PLPP2: variants seen among roughly 807,000 people sequenced by gnomAD.
PLPP2 encodes the protein phospholipid phosphatase 2.
PLPP2 carries 29 observed loss-of-function variants against 35.2 expected under a neutral mutation model. That is an observed-to-expected ratio of 0.82 (90% CI 0.61 to 1.12). The LOEUF (loss-of-function observed/expected upper bound fraction) is 1.12, where lower values mean the gene tolerates loss of function less well. Among genes scored for constraint, PLPP2 ranks in the 50% most tolerant of loss-of-function variants. PLPP2 has a pLI of 0.00. For synonymous variants in PLPP2, 162 were observed against 167.0 expected (o/e 0.97, Z 0.23); for missense variants, 353 against 375.2 (o/e 0.94, Z 0.49).
At chr19:289,490 C>G (rs1010835806) in intron 1 of PLPP2, among the ~76,000 whole-genome samples, 1 of 121,588 alleles carries the variant, frequency 8.2e-6, no homozygotes, top group African/African-American at 3.1e-5. Flanking sequence ...CCGAGGCGGG[C>G]AGATCACGAG....
At position 287,940 on chromosome 19, in the gene PLPP2, A is replaced by G; in HGVS notation, c.204+80T>C. On this transcript the variant is annotated intron_variant, in intron 2 of 5. Coordinates refer to ENST00000434325, the MANE Select transcript of PLPP2 (RefSeq NM_003712.4). This position sits in a 1 kb window ranked among gnomAD's most constrained non-coding sequence, Gnocchi z 4.3. The stretch of plus-strand genomic sequence containing the variant: ...CAGACCTCCAGGGCAGGGCTGTGCC[A>G]CCCCCCCATCAGGCCCCCAGGGTAA... 6.5e-7 allele frequency: 1 copy of G among 1,529,904 alleles called. No individual in the cohort carries two copies. Among genetic ancestry groups the G allele is most frequent in the Non-Finnish European group, 8.9e-7 (1 of 1,128,918 alleles). 94.8% of individuals were successfully genotyped at this position (1,529,904 alleles called of 1,614,324 possible). A position where few individuals can be genotyped will look rare whatever the true frequency, so the allele number is the denominator to read the frequency against.
rs1970385718 is a variant in PLPP2 at position 291,310 on chromosome 19, C to G, written c.27G>C (p.Leu9=). 1 of 1,600,892 alleles carries G rather than the reference C, an allele frequency of 6.2e-7. No homozygotes were observed. Among genetic ancestry groups the G allele is most frequent in the Admixed American group, 1.7e-5 (1 of 59,038 alleles). ...CGACCAGTAAGCACAGCACGTCGAG[C>G]AGCACGAAGACCCACCTCCGCTGCA... MQRRWVFV[L]LDVLCLLVAS... Residue 9 remains leucine, a synonymous_variant, in exon 1 of 6, where the codon CTG becomes CTC. Transcript: ENST00000434325.
Position 282,053 on chromosome 19 carries a change from G to T in PLPP2, c.717+81C>A, listed in dbSNP as rs184659870. The T allele has an allele frequency of 2.8e-4, 426 of 1,510,208 alleles. 1 individual carries two copies. In the African/African-American group the frequency reaches 5.0e-3, roughly 18 times the overall value. 93.6% of individuals were successfully genotyped at this position (1,510,208 alleles called of 1,614,324 possible). On this transcript the variant is annotated intron_variant, in intron 5 of 5. Coordinates refer to ENST00000434325, the MANE Select transcript of PLPP2 (RefSeq NM_003712.4). Reference sequence around the variant, plus strand: ...CCCAAGGAAGGACTCAGTGGGGCAAGGGTACCCAGGGCAGCACTAGGGTTG... The same window carrying T: ...CCCAAGGAAGGACTCAGTGGGGCAATGGTACCCAGGGCAGCACTAGGGTTG...
intron 1 of PLPP2, chr19:288,383 C>T (rs1970314599): frequency 4.6e-6 from 2 of 439,558 alleles, no homozygotes; most frequent in Non-Finnish European, 8.0e-6. Flanking sequence ...ATCCTGGCAG[C>T]CTCCTTTCTG....
chr19:282,714 G>T, intron 4 of PLPP2, 38 bp downstream of exon 4: 1 of 1,584,768 alleles, frequency 6.3e-7, no homozygotes, highest in Non-Finnish European at 8.7e-7. Context: ...TTTAGCCATG[G>T]TTCCCCCGAA....
In PLPP2 at chr19:282,222, A is replaced by C. The variant is rs779062983; in HGVS notation, c.629T>G (p.Val210Gly). Residue 210 changes from valine to glycine, a missense_variant, in exon 5 of 6, where the codon GTG becomes GGG. Val to Gly is a moderately radical substitution (Grantham distance 109). Coordinates refer to ENST00000434325, the MANE Select transcript of PLPP2 (RefSeq NM_003712.4). ...GTAATCAGACACGCGGGTGTAGCCC[A>C]CGTAGAGGGCAAAGGCCACCAGGAA... ...QFFLVAFALYVGYTRVSDYKH... is the reference protein window; with the variant it reads ...QFFLVAFALYGGYTRVSDYKH... 1.2e-6 allele frequency: 2 copies of C among 1,613,844 alleles called. No homozygotes were observed. Among genetic ancestry groups the C allele is most frequent in the Non-Finnish European group, 1.7e-6 (2 of 1,179,868 alleles).
intron 1 of PLPP2, chr19:291,005 A>C: frequency 1.6e-6 from 2 of 1,277,378 alleles, no homozygotes; most frequent in Non-Finnish European, 2.0e-6. Flanking sequence ...CTCCGCACAG[A>C]CTTCCTGCTG....
intron 5 of PLPP2, chr19:281,910 C>T: frequency 3.8e-6 from 2 of 524,762 alleles, no homozygotes; most frequent in South Asian, 2.3e-5. Context: ...GAAGAGGGTC[C>T]AGGTAAGGAC....
At chr19:282,017 C>G (rs1970183306) in intron 5 of PLPP2, 117 bp downstream of exon 5, 2 of 1,185,346 alleles carry the variant, frequency 1.7e-6, no homozygotes, top group African/African-American at 3.0e-5. Context: ...GGAGGACTGA[C>G]AGGGAGGAGG....
chr19:281,335 G>A lies in PLPP2; in HGVS notation c.*53C>T. On this transcript the variant is annotated 3_prime_UTR_variant, in exon 6 of 6. Coordinates refer to ENST00000434325, the MANE Select transcript of PLPP2 (RefSeq NM_003712.4). ...CTAACCAGGGCTGGAGGGACCACCTGGGTGGGCCTCAGCTGGACTCACAGC... is the reference window on the plus strand; with the variant it reads ...CTAACCAGGGCTGGAGGGACCACCTAGGTGGGCCTCAGCTGGACTCACAGC... 1 of 1,345,978 alleles carries A rather than the reference G, an allele frequency of 7.4e-7. No homozygotes were observed. Among genetic ancestry groups the A allele is most frequent in the African/African-American group, 1.5e-5 (1 of 66,910 alleles). The allele number at this position is 1,345,978 out of a possible 1,614,324, so 83.4% of individuals were successfully genotyped here.
intron 3 of PLPP2, chr19:283,788 A>G (rs939403891): frequency 4.6e-5 from 7 of 152,328 alleles, no homozygotes; most frequent in Non-Finnish European, 8.8e-5. Context: ...GGCTGACCCC[A>G]CATGCACACA....
intron 4 of PLPP2, among the ~76,000 whole-genome samples, 197 bp downstream of exon 4, chr19:282,555 C>T (rs1970201315): frequency 1.3e-5 from 2 of 151,960 alleles, no homozygotes; most frequent in Non-Finnish European, 2.9e-5. Flanking sequence ...GCTCCCCCTC[C>T]CCCTGCACAG....
At chr19:283,152 G>A (rs985457567) in intron 3 of PLPP2, 1 of 231,992 alleles carries the variant, frequency 4.3e-6, no homozygotes. Flanking sequence ...ACTGAGGGAA[G>A]ACTTATTTTT....
At chr19:288,635 C>T (rs1970320566) in intron 1 of PLPP2, 1 of 154,032 alleles carries the variant, frequency 6.5e-6, no homozygotes, top group South Asian at 2.0e-4. Context: ...CCCAAAGTAG[C>T]TCTGAGTAAC....
chr19:287,830 G>C lies in PLPP2; in HGVS notation c.205-79C>G. The C allele has an allele frequency of 6.4e-7, 1 of 1,559,710 alleles. No homozygotes were observed. ...CACTCCTCCGCACGGGCCTCCCCAA[G>C]GCTGCTGGAGAGCTGGGGACTCTGA... On this transcript the variant is annotated intron_variant, in intron 2 of 5. Coordinates refer to ENST00000434325, the MANE Select transcript of PLPP2 (RefSeq NM_003712.4). This position sits in a 1 kb window ranked among gnomAD's most constrained non-coding sequence, Gnocchi z 4.3.
Position 282,823 on chromosome 19 carries a change from A to G in PLPP2, c.483-14T>C. On this transcript the variant is annotated splice_polypyrimidine_tract_variant and intron_variant, in intron 3 of 5. Transcript: ENST00000434325. The stretch of plus-strand genomic sequence containing the variant: ...TAGAAAGACAACCTGAGGAAGGAGA[A>G]GGGGCAGGTGGCTCACTCAGCGCCT... 1 of 1,613,146 alleles carries G rather than the reference A, an allele frequency of 6.2e-7. No individual in the cohort carries two copies. Among genetic ancestry groups the G allele is most frequent in the Non-Finnish European group, 8.5e-7 (1 of 1,179,378 alleles).
chr19:287,482 G>A lies in PLPP2; in HGVS notation c.474C>T (p.Thr158=), dbSNP rs78166417. The change falls in exon 3 of 6, where the codon ACC becomes ACT. Residue 158 remains threonine (T), a synonymous_variant. Coordinates refer to ENST00000434325, the MANE Select transcript of PLPP2 (RefSeq NM_003712.4). This position sits in a 1 kb window ranked among gnomAD's most constrained non-coding sequence, Gnocchi z 4.3. ...TGCTGGTCCACACCCACCTGGCCTC[G>A]GTGACATCAGCAGGGTTTCCCCTGC... ...KVCRGNPADV[T]EARLSFYSGH... 5,065 of 1,607,662 alleles carry A rather than the reference G, an allele frequency of 3.2e-3. 132 individuals are homozygous for A. In the African/African-American group the frequency reaches 0.053, roughly 17 times the overall value.
chr19:285,527 A>C (rs1390622451), intron 3 of PLPP2: 1 of 150,044 alleles, frequency 6.7e-6, no homozygotes, highest in Non-Finnish European at 1.5e-5. Context: ...TAAACCGAGG[A>C]GGCAGAGGCT....
At chr19:285,598 CA>C (rs768714100) in intron 3 of PLPP2, 165 of 66,234 alleles carry the variant, frequency 2.5e-3, no homozygotes, top group Admixed American at 2.4e-3. Flanking sequence ...GACTCTTTCT[CA>C]AAAAAAAAAA....
Sources: gnomAD v4.1 joint callset for allele counts (sites outside exome capture counted in the v4.1 genomes callset) on GRCh38, gnomAD v4.1.1 for gene constraint, Gnocchi (gnomAD v3.1) non-coding constraint, MANE v1.5 for transcripts, NCBI Gene and HGNC (gene_info 2026-07-23, HGNC 2026-07-21) for gene names.